The following SLC22A23 variants were observed in gnomAD, a reference collection of about 807,000 sequenced individuals.
SLC22A23 encodes the protein solute carrier family 22 member 23.
A neutral mutation model predicts 61.0 loss-of-function variants in SLC22A23; 26 were observed. That is an observed-to-expected ratio of 0.43 (90% CI 0.31 to 0.59). SLC22A23 has a LOEUF of 0.59. SLC22A23 is among the 20% of genes least tolerant of loss of function. The pLI, the probability that SLC22A23 is intolerant of heterozygous loss-of-function variation, is 0.11. For synonymous variants in SLC22A23, 430 were observed against 413.9 expected, an observed-to-expected ratio of 1.04 and a Z score of -0.47; for missense variants, 796 against 934.7, an observed-to-expected ratio of 0.85 and a Z score of 1.94.
chr6:3,337,134 C>T (rs550523705), intron 3 of SLC22A23, among the ~76,000 whole-genome samples: 4 of 152,198 alleles, frequency 2.6e-5, no homozygotes, highest in South Asian at 2.1e-4. Flanking sequence ...CATATTTACA[C>T]AAGGGCATGA....
rs968106456 is a variant in SLC22A23 at position 3,329,507 on chromosome 6, C to T, written c.914-5505G>A. On this transcript the variant is annotated intron_variant, in intron 3 of 9. Coordinates refer to ENST00000406686, the MANE Select transcript of SLC22A23 (RefSeq NM_015482.2). The surrounding 1 kb of genome is among the most constrained non-coding windows in gnomAD (Gnocchi z 4.8). ...ACTTAAGCCAGAGGACAGGAATTCACAGAATTGTGCCCGCGGAACAAAGCG... is the reference window on the plus strand; with the variant it reads ...ACTTAAGCCAGAGGACAGGAATTCATAGAATTGTGCCCGCGGAACAAAGCG... Among the ~76,000 whole-genome samples the T allele has an allele frequency of 2.6e-5, 4 of 152,176 alleles. No individual in the cohort carries two copies. Among genetic ancestry groups the T allele is most frequent in the African/African-American group, 9.7e-5 (4 of 41,436 alleles).
intron 3 of SLC22A23, among the ~76,000 whole-genome samples, chr6:3,393,930 A>G (rs563043344): frequency 1.2e-4 from 18 of 152,332 alleles, no homozygotes; most frequent in Admixed American, 1.2e-3. Flanking sequence ...CACTCCACAC[A>G]GGCATCACAA....
intron 3 of SLC22A23, among the ~76,000 whole-genome samples, chr6:3,404,120 C>G (rs1182997219): frequency 1.3e-5 from 2 of 152,216 alleles, no homozygotes; most frequent in African/African-American, 4.8e-5. Context: ...TTAAGAACAG[C>G]CTCCCCTGTG....
chr6:3,400,034 A>G (rs957676077), intron 3 of SLC22A23, among the ~76,000 whole-genome samples: 2 of 152,068 alleles, frequency 1.3e-5, no homozygotes, highest in African/African-American at 2.4e-5. Flanking sequence ...ATGCACCACC[A>G]TGCCTGGCTA....
chr6:3,315,863 C>CA (rs59464373), intron 4 of SLC22A23, among the ~76,000 whole-genome samples: 147 of 144,818 alleles, frequency 1.0e-3, no homozygotes, highest in African/African-American at 2.2e-3. Flanking sequence ...GAATCCGTCT[C>CA]AAAAAAAAAA....
chr6:3,426,948 T>C (rs981171849), intron 1 of SLC22A23, among the ~76,000 whole-genome samples: 1 of 152,226 alleles, frequency 6.6e-6, no homozygotes, highest in Non-Finnish European at 1.5e-5. Context: ...TACCACTGTC[T>C]CTGAGGAAGG....
intron 3 of SLC22A23, among the ~76,000 whole-genome samples, chr6:3,406,960 G>T (rs1367323875): frequency 6.6e-6 from 1 of 152,032 alleles, no homozygotes; most frequent in East Asian, 1.9e-4. Flanking sequence ...CTTACGGCAA[G>T]CCATACAAGA....
chr6:3,280,646 C>A lies in SLC22A23; in HGVS notation c.1703+3206G>T, dbSNP rs12181510. Reference sequence around the variant, plus strand: ...GAGTAGCTGGGACTACAGGCGCCCGCCACCACGCCCGGCTAATTTTTTTTG... The same window carrying A: ...GAGTAGCTGGGACTACAGGCGCCCGACACCACGCCCGGCTAATTTTTTTTG... On this transcript the variant is annotated intron_variant, in intron 9 of 9. Transcript: ENST00000406686. Among the ~76,000 whole-genome samples the A allele has an allele frequency of 6.0e-5, 9 of 151,050 alleles. No individual in the cohort carries two copies. The East Asian group carries it at 1.8e-3, about 30-fold the overall frequency.
At chr6:3,365,500 G>A (rs1234251587) in intron 3 of SLC22A23, among the ~76,000 whole-genome samples, 2 of 152,120 alleles carry the variant, frequency 1.3e-5, no homozygotes, top group Non-Finnish European at 2.9e-5. Context: ...TGGTCTGGCT[G>A]AGCCTGAGTG....
At chr6:3,296,888 C>T (rs1013813490) in intron 5 of SLC22A23, among the ~76,000 whole-genome samples, 4 of 152,196 alleles carry the variant, frequency 2.6e-5, no homozygotes, top group African/African-American at 9.7e-5. Context: ...GTCCAGGTAC[C>T]AAGGGCTTCT....
rs747021180 is a variant in SLC22A23, at chr6:3,399,778, T to C, written c.913+10410A>G. On this transcript the variant is annotated intron_variant, in intron 3 of 9. Coordinates refer to ENST00000406686, the MANE Select transcript of SLC22A23 (RefSeq NM_015482.2). ...GAGTGATGGATACTCAGGGAGTCGATAGAAGAGCCCTAGGAATGATCTGTC... is the reference window on the plus strand; with the variant it reads ...GAGTGATGGATACTCAGGGAGTCGACAGAAGAGCCCTAGGAATGATCTGTC... Among the ~76,000 whole-genome samples, 4 of 152,212 alleles carry C rather than the reference T, an allele frequency of 2.6e-5. No homozygotes were observed. In the East Asian group the frequency reaches 5.8e-4, roughly 22 times the overall value.
chr6:3,348,931 C>A (rs534870021), intron 3 of SLC22A23, among the ~76,000 whole-genome samples: 4 of 152,356 alleles, frequency 2.6e-5, no homozygotes, highest in African/African-American at 9.6e-5. Flanking sequence ...GTCTTCCCTT[C>A]CAACTGTCTC....
intron 3 of SLC22A23, among the ~76,000 whole-genome samples, chr6:3,385,993 GC>G (rs1439421521): frequency 1.3e-5 from 2 of 152,218 alleles, no homozygotes; most frequent in African/African-American, 4.8e-5. Flanking sequence ...AAACACCCAA[GC>G]CCCGCATTTG....
rs113989170 is a variant in SLC22A23, at chr6:3,310,330, C to T, written c.1083-12112G>A. Among the ~76,000 whole-genome samples, 336 of 65,554 alleles carry T rather than the reference C, an allele frequency of 5.1e-3. 3 individuals are homozygous for T. The highest frequency in any genetic ancestry group is 0.019 in the African/African-American group (318 of 16,888). The allele number at this position is 65,554 out of a possible 152,430, so 43.0% of individuals were successfully genotyped here. On this transcript the variant is annotated intron_variant, in intron 4 of 9. Transcript: ENST00000406686. ...CCACTCAAGCACCCTGCCTCCCACT[C>T]GAGCACCCTGTCTCCCAGGGAGCAC...
chr6:3,344,472 A>T (rs543108634), intron 3 of SLC22A23, among the ~76,000 whole-genome samples: 22 of 152,292 alleles, frequency 1.4e-4, no homozygotes, highest in South Asian at 1.2e-3. Flanking sequence ...CTGTATTGAA[A>T]AGTTCAAAGG....
At chr6:3,315,820 C>T (rs1004230361) in intron 4 of SLC22A23, among the ~76,000 whole-genome samples, 3 of 151,662 alleles carry the variant, frequency 2.0e-5, no homozygotes, top group East Asian at 1.9e-4. Context: ...GCTGAGATCA[C>T]GCCACTGCAC....
At chr6:3,383,635 C>T (rs1412748751) in intron 3 of SLC22A23, among the ~76,000 whole-genome samples, 1 of 152,174 alleles carries the variant, frequency 6.6e-6, no homozygotes, top group Non-Finnish European at 1.5e-5. Context: ...AAAAGTGGCG[C>T]CAACCTTATC....
chr6:3,374,262 G>C (rs1332672133), intron 3 of SLC22A23, among the ~76,000 whole-genome samples: 1 of 152,210 alleles, frequency 6.6e-6, no homozygotes, highest in South Asian at 2.1e-4. Context: ...TATATGTCCA[G>C]GCTCAAGCCT....
chr6:3,335,007 A>G (rs1480778752), intron 3 of SLC22A23, among the ~76,000 whole-genome samples: 1 of 152,170 alleles, frequency 6.6e-6, no homozygotes, highest in Non-Finnish European at 1.5e-5. Context: ...TTTTTGTAAA[A>G]ATGGAGATTA....
Sources: gnomAD v4.1 joint callset for allele counts (sites outside exome capture counted in the v4.1 genomes callset) on GRCh38, gnomAD v4.1.1 for gene constraint, Gnocchi (gnomAD v3.1) non-coding constraint, MANE v1.5 for transcripts, NCBI Gene and HGNC (gene_info 2026-07-23, HGNC 2026-07-21) for gene names.